PCDHA1: variants seen among roughly 807,000 people sequenced by gnomAD.
PCDHA1 encodes the protein protocadherin alpha-1.
In PCDHA1, 42 loss-of-function variants were observed where a neutral mutation model predicts 61.3. The ratio of observed to expected loss-of-function variants is 0.69; its 90% CI spans 0.54 to 0.89. PCDHA1 has a LOEUF of 0.89. Ranked by LOEUF, PCDHA1 falls within the 40% of genes least tolerant of loss-of-function variation. PCDHA1 has a pLI of 0.00. For synonymous variants in PCDHA1, 610 were observed against 553.8 expected (o/e 1.10, Z -1.43); for missense variants, 1,256 against 1,235.3 (o/e 1.02, Z -0.25).
chr5:140,961,155 G>A (rs1214072320), intron 1 of PCDHA1, among the ~76,000 whole-genome samples: 2 of 152,126 alleles, frequency 1.3e-5, no homozygotes, highest in Non-Finnish European at 2.9e-5. Context: ...TATTATTTCA[G>A]TACATATCTA....
chr5:140,986,366 G>A (rs149115330), intron 3 of PCDHA1, among the ~76,000 whole-genome samples: 226 of 152,252 alleles, frequency 1.5e-3, no homozygotes, highest in African/African-American at 5.1e-3. Context: ...GGAGGAATGC[G>A]TTTTGGGGGG....
chr5:140,993,546 G>A (rs1013720873), intron 3 of PCDHA1, among the ~76,000 whole-genome samples: 4 of 151,434 alleles, frequency 2.6e-5, no homozygotes, highest in Non-Finnish European at 5.9e-5. Context: ...AGATAGAGAA[G>A]TGAAGTATAT....
At chr5:140,927,403 C>T (rs1276847771) in intron 1 of PCDHA1, 1 of 1,614,146 alleles carries the variant, frequency 6.2e-7, no homozygotes, top group Non-Finnish European at 8.5e-7. Context: ...GCACTTTCGC[C>T]TGGACATGGG....
intron 1 of PCDHA1, chr5:140,968,919 T>C (rs2096279642): frequency 1.2e-6 from 2 of 1,614,116 alleles, no homozygotes; most frequent in South Asian, 1.1e-5. Flanking sequence ...GTGTCTTTTA[T>C]ATTTCTTTTG....
rs550398364 is a variant in PCDHA1, at chr5:140,897,290, G to A, written c.2395-81659G>A. Among the ~76,000 whole-genome samples the A allele has an allele frequency of 1.2e-4, 18 of 150,778 alleles. No homozygotes were observed. In the East Asian group the frequency reaches 1.4e-3, roughly 11 times the overall value. On this transcript the variant is annotated intron_variant, in intron 1 of 3. Coordinates refer to ENST00000504120, the MANE Select transcript of PCDHA1 (RefSeq NM_018900.4). ...GCTGGTGTGCTGCACCCATTAACTC[G>A]TCATTTAGCATTAGGTATATCTCCT...
intron 1 of PCDHA1, among the ~76,000 whole-genome samples, chr5:140,886,622 C>T (rs1483241958): frequency 6.6e-6 from 1 of 151,430 alleles, no homozygotes; most frequent in Non-Finnish European, 1.5e-5. Context: ...GATCAGGAGT[C>T]CGAGACCAGC....
chr5:140,927,862 G>T, intron 1 of PCDHA1: 1 of 1,614,200 alleles, frequency 6.2e-7, no homozygotes. Context: ...AGCTAGCACC[G>T]CTAAACTGCT....
chr5:140,921,706 T>C (rs2080341352), intron 1 of PCDHA1, among the ~76,000 whole-genome samples: 1 of 152,148 alleles, frequency 6.6e-6, no homozygotes, highest in Non-Finnish European at 1.5e-5. Flanking sequence ...TTTTAAACAG[T>C]AAACACACGA....
intron 1 of PCDHA1, chr5:140,876,345 T>C (rs2056299947): frequency 6.2e-7 from 1 of 1,614,024 alleles, no homozygotes; most frequent in Non-Finnish European, 8.5e-7. Context: ...GTGAGAAATG[T>C]ATGTTTTCAA....
intron 1 of PCDHA1, among the ~76,000 whole-genome samples, chr5:140,940,102 T>C (rs1372400488): frequency 2.0e-5 from 3 of 152,228 alleles, no homozygotes; most frequent in African/African-American, 7.2e-5. Context: ...ACTTTTAGCG[T>C]TATGTATTAT....
chr5:140,990,760 G>A (rs2097413418), intron 3 of PCDHA1, among the ~76,000 whole-genome samples: 1 of 152,182 alleles, frequency 6.6e-6, no homozygotes, highest in Non-Finnish European at 1.5e-5. Context: ...CTTTGAGCCT[G>A]TAAATTTGGC....
chr5:140,837,977 C>G (rs1377931639), intron 1 of PCDHA1, among the ~76,000 whole-genome samples: 1 of 151,682 alleles, frequency 6.6e-6, no homozygotes, highest in Non-Finnish European at 1.5e-5. Flanking sequence ...CCACACCCAG[C>G]CTGCCTTTCA....
At chr5:140,843,844 A>T in intron 1 of PCDHA1, 1 of 1,001,286 alleles carries the variant, frequency 1.0e-6, no homozygotes, top group Non-Finnish European at 1.5e-6. Flanking sequence ...GTTTTTAGAA[A>T]CCTTTTATAA....
chr5:140,910,715 A>C (rs2075137767), intron 1 of PCDHA1, among the ~76,000 whole-genome samples: 1 of 152,118 alleles, frequency 6.6e-6, no homozygotes, highest in Admixed American at 6.5e-5. Flanking sequence ...GCCATCTTTT[A>C]ATCCATATTT....
At chr5:140,871,246 C>T (rs782203109) in intron 1 of PCDHA1, 2 of 1,613,982 alleles carry the variant, frequency 1.2e-6, no homozygotes, top group Non-Finnish European at 1.7e-6. Context: ...ACTCACGCTG[C>T]TGCTGTATAC....
chr5:140,866,287 C>T (rs1396371419), intron 1 of PCDHA1: 1 of 152,074 alleles, frequency 6.6e-6, no homozygotes, highest in Non-Finnish European at 1.5e-5. Flanking sequence ...GTGTTTGGGA[C>T]AAGTATAGAT....
intron 1 of PCDHA1, chr5:140,863,012 G>T (rs1562573828): frequency 1.8e-6 from 1 of 552,298 alleles, no homozygotes; most frequent in Non-Finnish European, 3.6e-6. Context: ...CAGCTATGAC[G>T]CCTGGTTGTC....
At chr5:140,949,544 T>A (rs981428881) in intron 1 of PCDHA1, among the ~76,000 whole-genome samples, 1 of 151,908 alleles carries the variant, frequency 6.6e-6, no homozygotes, top group Non-Finnish European at 1.5e-5. Flanking sequence ...TATCGATTTG[T>A]TGCTGGTCAT....
At chr5:140,895,892 A>G (rs1554186717) in intron 1 of PCDHA1, among the ~76,000 whole-genome samples, 1 of 152,080 alleles carries the variant, frequency 6.6e-6, no homozygotes, top group East Asian at 1.9e-4. Flanking sequence ...GCTCACTGCA[A>G]CCTCCGCGTC....
Sources: allele counts gnomAD v4.1 joint callset (sites outside exome capture counted in the v4.1 genomes callset), GRCh38; gene constraint gnomAD v4.1.1; transcripts MANE v1.5; gene names NCBI Gene and HGNC (gene_info 2026-07-23, HGNC 2026-07-21).